ABHD2: variants seen among roughly 807,000 people sequenced by gnomAD.
ABHD2 encodes monoacylglycerol lipase ABHD2.
In ABHD2, 20 loss-of-function variants were observed where a neutral mutation model predicts 48.1. That is an observed-to-expected ratio of 0.42 (90% CI 0.29 to 0.60). The LOEUF (loss-of-function observed/expected upper bound fraction) is 0.60. Ranked by LOEUF, ABHD2 falls within the 20% of genes least tolerant of loss-of-function variation. ABHD2 has a pLI of 0.24. For synonymous variants in ABHD2, 209 were observed against 214.2 expected (o/e 0.98, Z 0.21); for missense variants, 405 against 550.9 (o/e 0.74, Z 2.65).
At chr15:89,165,527 A>T (rs2050825111) in intron 5 of ABHD2, among the ~76,000 whole-genome samples, 1 of 152,048 alleles carries the variant, frequency 6.6e-6, no homozygotes, top group Non-Finnish European at 1.5e-5. Context: ...CTAAGGCAGG[A>T]GGATAGCTTG....
the ABHD2 span, among the ~76,000 whole-genome samples, chr15:89,048,404 T>C: frequency 4.1e-4 from 62 of 150,558 alleles, no homozygotes; most frequent in African/African-American, 1.5e-3. Context: ...AGGAGTATCT[T>C]TGTGGCGTTC....
chr15:89,125,954 G>A (rs1018599794), intron 3 of ABHD2, among the ~76,000 whole-genome samples: 7 of 152,206 alleles, frequency 4.6e-5, no homozygotes, highest in East Asian at 1.9e-4. Flanking sequence ...AAAAAGGTTC[G>A]GAATCCAAAA....
At chr15:89,085,882 T>C (rs1278985514), upstream of ABHD2, among the ~76,000 whole-genome samples, 1 of 152,190 alleles carries the variant, frequency 6.6e-6, no homozygotes, top group Non-Finnish European at 1.5e-5. This position sits in a 1 kb window ranked among gnomAD's most constrained non-coding sequence, Gnocchi z 4.2. Context: ...AAACCTGTAT[T>C]GGGCTGGGCC....
intron 1 of ABHD2, among the ~76,000 whole-genome samples, chr15:89,105,234 C>G (rs2049765732): frequency 6.6e-6 from 1 of 152,216 alleles, no homozygotes; most frequent in African/African-American, 2.4e-5. Flanking sequence ...AGTAAGGGCA[C>G]GTAAAAGTGC....
the ABHD2 span, among the ~76,000 whole-genome samples, chr15:89,058,993 A>C: frequency 3.3e-5 from 5 of 152,180 alleles, no homozygotes; most frequent in South Asian, 8.3e-4. Flanking sequence ...CTCCAGCGAA[A>C]GATAAGGGCT....
At position 89,174,761 on chromosome 15, in the gene ABHD2, G is replaced by A. The variant is rs950473902; in HGVS notation, c.539-1051G>A. Among the ~76,000 whole-genome samples the A allele has an allele frequency of 2.6e-5, 4 of 152,186 alleles. No individual in the cohort carries two copies. Among genetic ancestry groups the A allele is most frequent in the Non-Finnish European group, 5.9e-5 (4 of 68,034 alleles). The stretch of plus-strand genomic sequence containing the variant: ...TTAGATTTTAAATTGGCTCCCTACA[G>A]AGTTTGAGGTTGGGCCTTAGAAGGA... On this transcript the variant is annotated intron_variant, in intron 5 of 10. Transcript: ENST00000352732. The surrounding 1 kb of genome is among the most constrained non-coding windows in gnomAD (Gnocchi z 4.1).
rs1009434483 is a variant in ABHD2 at position 89,092,498 on chromosome 15, G to C, written c.-107+3935G>C. ...TTAAAATTTTTTAATTCAAATTTTA[G>C]TTTTTAAAAATAGGCAATACATTCA... On this transcript the variant is annotated intron_variant, in intron 1 of 10. Transcript: ENST00000352732. This position sits in a 1 kb window ranked among gnomAD's most constrained non-coding sequence, Gnocchi z 4.4. 2.0e-5 allele frequency among the ~76,000 whole-genome samples: 3 copies of C among 152,116 alleles called. No individual in the cohort carries two copies. Among genetic ancestry groups the C allele is most frequent in the African/African-American group, 7.2e-5 (3 of 41,430 alleles).
chr15:89,139,445 A>T (rs2050368327), intron 3 of ABHD2, among the ~76,000 whole-genome samples: 2 of 152,094 alleles, frequency 1.3e-5, no homozygotes, highest in Admixed American at 1.3e-4. Context: ...TGTATTCATC[A>T]TGCATCCTAC....
chr15:89,053,061 G>A, the ABHD2 span, among the ~76,000 whole-genome samples: 530 of 150,718 alleles, frequency 3.5e-3, 1 homozygote, highest in African/African-American at 0.012. Flanking sequence ...TCTGCCTCCC[G>A]GGTTCAAGCG....
At chr15:89,157,591 C>T (rs561203955) in intron 5 of ABHD2, among the ~76,000 whole-genome samples, 3 of 152,162 alleles carry the variant, frequency 2.0e-5, no homozygotes. Context: ...AGCCTGTAAT[C>T]CCAGCACTTT....
chr15:89,149,581 G>A (rs569789636), intron 3 of ABHD2, among the ~76,000 whole-genome samples: 123 of 152,260 alleles, frequency 8.1e-4, no homozygotes, highest in African/African-American at 2.9e-3. Flanking sequence ...ACGGAGCTGT[G>A]CATGGAGAAG....
chr15:89,054,758 C>A, the ABHD2 span, among the ~76,000 whole-genome samples: 43 of 151,984 alleles, frequency 2.8e-4, 1 homozygote, highest in African/African-American at 9.6e-4. Flanking sequence ...AGTGTTTATT[C>A]TTTCTCAAAG....
rs532321132 is a variant in ABHD2, at chr15:89,102,336, G to C, written c.-106-11389G>C. On this transcript the variant is annotated intron_variant, in intron 1 of 10. Transcript: ENST00000352732. The surrounding 1 kb of genome is among the most constrained non-coding windows in gnomAD (Gnocchi z 4.8). ...GTACTTCATTATATACAGATTTGTTGTACTATTTTCCAATTGTTTTATGGA... is the reference window on the plus strand; with the variant it reads ...GTACTTCATTATATACAGATTTGTTCTACTATTTTCCAATTGTTTTATGGA... 4.6e-5 allele frequency: 7 copies of C among 152,218 alleles called. No individual in the cohort carries two copies. Among genetic ancestry groups the C allele is most frequent in the African/African-American group, 1.7e-4 (7 of 41,514 alleles). The allele number at this position is 152,218 out of a possible 1,614,324, so 9.4% of individuals were successfully genotyped here.
At chr15:89,053,091 C>T in the ABHD2 span, among the ~76,000 whole-genome samples, 4,958 of 152,012 alleles carry the variant, frequency 0.033, 205 homozygotes, top group African/African-American at 0.094. Flanking sequence ...CCTCCACCCC[C>T]GAGTAGCTGG....
chr15:89,070,676 C>A, the ABHD2 span, among the ~76,000 whole-genome samples: 53 of 152,242 alleles, frequency 3.5e-4, no homozygotes, highest in African/African-American at 1.2e-3. Context: ...TGATATTGGT[C>A]AAGGTTACAC....
intron 6 of ABHD2, chr15:89,183,481 C>T (rs2051156209): frequency 7.0e-6 from 1 of 143,440 alleles, no homozygotes; most frequent in African/African-American, 2.5e-5. Flanking sequence ...AGTTTCAATT[C>T]CTTAATTCTA....
intron 3 of ABHD2, among the ~76,000 whole-genome samples, chr15:89,140,942 A>G (rs2050392387): frequency 1.3e-5 from 2 of 151,522 alleles, no homozygotes; most frequent in Admixed American, 1.3e-4. Flanking sequence ...CTCAGGGCAT[A>G]ACTTTATTAT....
At chr15:89,132,020 G>T (rs973890567) in intron 3 of ABHD2, among the ~76,000 whole-genome samples, 1 of 151,950 alleles carries the variant, frequency 6.6e-6, no homozygotes, top group Non-Finnish European at 1.5e-5. Context: ...GCATCCTGTT[G>T]GACTTTTTAA....
At chr15:89,190,381 G>T (rs912742827) in intron 8 of ABHD2, among the ~76,000 whole-genome samples, 10 of 152,204 alleles carry the variant, frequency 6.6e-5, no homozygotes, top group Admixed American at 6.5e-4. Flanking sequence ...TATCTCTATT[G>T]CTCTGTAGTC....
Sources: allele counts gnomAD v4.1 joint callset (sites outside exome capture counted in the v4.1 genomes callset), GRCh38; gene constraint gnomAD v4.1.1; non-coding constraint Gnocchi (gnomAD v3.1); transcripts MANE v1.5; gene names NCBI Gene and HGNC (gene_info 2026-07-23, HGNC 2026-07-21).